REC114: variants seen among roughly 807,000 people sequenced by gnomAD.
REC114 encodes meiotic recombination protein REC114.
A neutral mutation model predicts 31.3 loss-of-function variants in REC114; 27 were observed. That is an observed-to-expected ratio of 0.86 (90% confidence interval 0.64 to 1.19). The LOEUF (loss-of-function observed/expected upper bound fraction) is 1.19. Among genes scored for constraint, REC114 ranks in the 50% most tolerant of loss-of-function variants. The pLI, the probability that REC114 is intolerant of heterozygous loss-of-function variation, is 0.00. For synonymous variants in REC114, 134 were observed against 127.7 expected (o/e 1.05, Z -0.33); for missense variants, 344 against 326.9 (o/e 1.05, Z -0.40).
chr15:73,542,597 A>G (rs888483470), intron 3 of REC114, among the ~76,000 whole-genome samples: 3 of 152,150 alleles, frequency 2.0e-5, no homozygotes, highest in Non-Finnish European at 4.4e-5. Flanking sequence ...CTTATGTGTC[A>G]TGGACCAGTG....
chr15:73,539,925 C>T (rs1425401959), intron 2 of REC114, among the ~76,000 whole-genome samples: 1 of 152,072 alleles, frequency 6.6e-6, no homozygotes, highest in Non-Finnish European at 1.5e-5. Context: ...AACTGTTGTC[C>T]CTCATTTGAG....
intron 3 of REC114, among the ~76,000 whole-genome samples, chr15:73,549,778 T>A (rs1894363157): frequency 6.6e-6 from 1 of 152,070 alleles, no homozygotes; most frequent in Non-Finnish European, 1.5e-5. Flanking sequence ...ATATAAAGAG[T>A]ACCAAATACT....
At chr15:73,511,526 T>C (rs1198563449) in intron 2 of REC114, among the ~76,000 whole-genome samples, 1 of 151,520 alleles carries the variant, frequency 6.6e-6, no homozygotes, top group East Asian at 1.9e-4. Flanking sequence ...GTTCTTTTAA[T>C]TGTGATGTTA....
chr15:73,494,491 C>CAA (rs769659178), intron 2 of REC114, among the ~76,000 whole-genome samples: 63 of 84,180 alleles, frequency 7.5e-4, no homozygotes, highest in East Asian at 1.7e-3. Flanking sequence ...GACCCTGTCT[C>CAA]AAAAAAAAAA....
At chr15:73,500,500 A>C (rs562558389) in intron 2 of REC114, among the ~76,000 whole-genome samples, 1 of 152,332 alleles carries the variant, frequency 6.6e-6, no homozygotes, top group Admixed American at 6.5e-5. Context: ...TACCTTTGGC[A>C]GCAGGTGAGA....
At chr15:73,547,243 T>C (rs1291116374) in intron 3 of REC114, among the ~76,000 whole-genome samples, 3 of 152,092 alleles carry the variant, frequency 2.0e-5, no homozygotes, top group East Asian at 1.9e-4. Context: ...GGGCAAAAGA[T>C]TTGAATAGAC....
chr15:73,451,502 T>C (rs994982132), intron 1 of REC114, among the ~76,000 whole-genome samples: 2 of 151,872 alleles, frequency 1.3e-5, no homozygotes, highest in Non-Finnish European at 2.9e-5. Flanking sequence ...GCCTACCAAC[T>C]AAAAAAAGTC....
chr15:73,542,705 TA>T lies in REC114; in HGVS notation c.333+2138del, dbSNP rs749819839. Among the ~76,000 whole-genome samples, 135 of 152,282 alleles carry T rather than the reference TA, an allele frequency of 8.9e-4. No individual in the cohort carries two copies. The Middle Eastern group carries it at 0.014, about 15-fold the overall frequency. On this transcript the variant is annotated intron_variant, in intron 3 of 5. Transcript: ENST00000331090. The stretch of plus-strand genomic sequence containing the variant: ...GCTTGTGCTAATTGAGTGTCCACCA[TA>T]TAGATAATTTATAAAATGGGGATTG...
At chr15:73,542,147 G>A (rs1472425196) in intron 3 of REC114, among the ~76,000 whole-genome samples, 3 of 151,640 alleles carry the variant, frequency 2.0e-5, no homozygotes, top group African/African-American at 4.8e-5. Context: ...CCTGGACAAC[G>A]TGATGAAACC....
rs1459076905 is a variant in REC114 at position 73,532,172 on chromosome 15, C to A, written c.250-8313C>A. On this transcript the variant is annotated intron_variant, in intron 2 of 5. Coordinates refer to ENST00000331090, the MANE Select transcript of REC114 (RefSeq NM_001042367.2). ...ACAACAGTCCCCAGAGTGTGATATT[C>A]CCCTTCCTGTGTCCATGTGATCTTA... is the stretch of plus-strand genomic sequence containing the variant. Among the ~76,000 whole-genome samples the A allele has an allele frequency of 4.1e-5, 6 of 147,166 alleles. No homozygotes were observed. The Admixed American group carries it at 4.1e-4, about 10-fold the overall frequency.
At chr15:73,443,479 G>T in intron 1 of REC114, 135 bp downstream of exon 1, 1 of 1,053,852 alleles carries the variant, frequency 9.5e-7, no homozygotes, top group South Asian at 1.8e-5. Flanking sequence ...GTTGGGGAAT[G>T]GACAGGCCGA....
intron 1 of REC114, among the ~76,000 whole-genome samples, chr15:73,467,586 G>A (rs546769150): frequency 2.0e-5 from 3 of 152,168 alleles, no homozygotes; most frequent in Non-Finnish European, 4.4e-5. Flanking sequence ...CATATTATAA[G>A]AGGGATCAGT....
chr15:73,539,846 C>T (rs1054735524), intron 2 of REC114, among the ~76,000 whole-genome samples: 5 of 152,160 alleles, frequency 3.3e-5, no homozygotes, highest in Non-Finnish European at 7.4e-5. Context: ...CCATAATCAT[C>T]AGATAGTTCA....
intron 1 of REC114, among the ~76,000 whole-genome samples, chr15:73,461,905 C>CTTTTTTTTTT (rs1185300663): frequency 1.3e-5 from 1 of 78,242 alleles, no homozygotes. Context: ...TAACATTTTT[C>CTTTTTTTTTT]TTTTTCTTTT....
intron 1 of REC114, among the ~76,000 whole-genome samples, chr15:73,455,393 C>A (rs1473125584): frequency 1.3e-5 from 2 of 151,990 alleles, no homozygotes; most frequent in African/African-American, 2.4e-5. Context: ...ATTTTGAGTT[C>A]TTTGATTTTT....
intron 4 of REC114, among the ~76,000 whole-genome samples, chr15:73,552,881 T>C (rs990294641): frequency 3.3e-5 from 5 of 152,218 alleles, no homozygotes; most frequent in Admixed American, 3.3e-4. Flanking sequence ...AATGGCACGA[T>C]CTCGGCTCAC....
intron 2 of REC114, among the ~76,000 whole-genome samples, chr15:73,523,478 A>AT (rs978662940): frequency 1.3e-5 from 2 of 152,204 alleles, no homozygotes; most frequent in African/African-American, 4.8e-5. Context: ...AGACTTAGCT[A>AT]TTGTTACAGG....
rs1567868972 is a variant in REC114 at position 73,491,320 on chromosome 15, A to ATCT, written c.249+17400_249+17401insCTT. Among the ~76,000 whole-genome samples the ATCT allele has an allele frequency of 1.4e-3, 18 of 12,534 alleles. 1 individual carries two copies. The highest frequency in any genetic ancestry group is 3.4e-3 in the African/African-American group (18 of 5,358). The allele number at this position is 12,534 out of a possible 152,430, so 8.2% of individuals were successfully genotyped here. On this transcript the variant is annotated intron_variant, in intron 2 of 5. Coordinates refer to ENST00000331090, the MANE Select transcript of REC114 (RefSeq NM_001042367.2). The stretch of plus-strand genomic sequence containing the variant: ...ATTTTCTTAATTTCTTTTTGTATAT[A>ATCT]TAAGTATTTGTGTATTATCTTAATT...
At chr15:73,558,676 G>C (rs1376961925) in intron 5 of REC114, among the ~76,000 whole-genome samples, 1 of 151,956 alleles carries the variant, frequency 6.6e-6, no homozygotes, top group East Asian at 1.9e-4. Context: ...AACCCTGGAT[G>C]GGTGAGCAAC....
Sources: allele counts gnomAD v4.1 joint callset (sites outside exome capture counted in the v4.1 genomes callset), GRCh38; gene constraint gnomAD v4.1.1; transcripts MANE v1.5; gene names NCBI Gene and HGNC (gene_info 2026-07-23, HGNC 2026-07-21).